Variants in WASL observed in about 807,000 individuals in gnomAD.
WASL encodes the protein actin nucleation-promoting factor WASL.
In WASL, 20 loss-of-function variants were observed where a neutral mutation model predicts 55.5. The ratio of observed to expected loss-of-function variants is 0.36; its 90% CI spans 0.25 to 0.52. WASL has a LOEUF of 0.52. Ranked by LOEUF, WASL falls within the 20% of genes least tolerant of loss-of-function variation. The pLI is 0.92. For missense variants in WASL, 504 were observed against 622.5 expected (o/e 0.81, Z 2.03); for synonymous variants, 249 against 217.6 (o/e 1.14, Z -1.27).
chr7:123,689,510 T>C (rs761928923), intron 9 of WASL, among the ~76,000 whole-genome samples: 1 of 152,190 alleles, frequency 6.6e-6, no homozygotes, highest in African/African-American at 2.4e-5. Flanking sequence ...GATTTCATGT[T>C]ATAAACAGAG....
intron 1 of WASL, among the ~76,000 whole-genome samples, chr7:123,719,213 AAAT>A (rs1803895336): frequency 6.6e-6 from 1 of 152,216 alleles, no homozygotes; most frequent in Non-Finnish European, 1.5e-5. Context: ...AATATTGGGA[AAAT>A]AATGTTTCTG....
In WASL at chr7:123,718,333, G is replaced by C. The variant is rs187352046; in HGVS notation, c.118-9110C>G. ...AAATGATGCATCAATCAGAACAATAGAATTTTGTATATGAAGAAAACAAAC... is the reference window on the plus strand; with the variant it reads ...AAATGATGCATCAATCAGAACAATACAATTTTGTATATGAAGAAAACAAAC... On this transcript the variant is annotated intron_variant, in intron 1 of 10. Coordinates refer to ENST00000223023, the MANE Select transcript of WASL (RefSeq NM_003941.4). Among the ~76,000 whole-genome samples the C allele has an allele frequency of 4.1e-4, 62 of 152,192 alleles. 2 individuals are homozygous for C. In the East Asian group the frequency reaches 0.012, roughly 28 times the overall value.
At chr7:123,732,779 A>G (rs1804161299) in intron 1 of WASL, among the ~76,000 whole-genome samples, 1 of 152,122 alleles carries the variant, frequency 6.6e-6, no homozygotes, top group Admixed American at 6.6e-5. Context: ...ACAAAGATGG[A>G]AAAAAAATCA....
intron 5 of WASL, among the ~76,000 whole-genome samples, chr7:123,700,285 TAG>T (rs781558995): frequency 6.5e-4 from 98 of 151,112 alleles, no homozygotes; most frequent in Non-Finnish European, 6.8e-4. Flanking sequence ...GATGGGAAAT[TAG>T]AGTTTCTTTT....
At chr7:123,727,352 G>GAC (rs1554406235) in intron 1 of WASL, among the ~76,000 whole-genome samples, 1 of 55,454 alleles carries the variant, frequency 1.8e-5, no homozygotes, top group Admixed American at 1.9e-4. Context: ...AAAAATATGT[G>GAC]TCACACACAC....
At chr7:123,721,372 G>T (rs766743140) in intron 1 of WASL, among the ~76,000 whole-genome samples, 1 of 152,142 alleles carries the variant, frequency 6.6e-6, no homozygotes, top group Non-Finnish European at 1.5e-5. Flanking sequence ...GTTACTTTGA[G>T]AGCCATTTTA....
At chr7:123,685,439 T>C (rs1022421351) in intron 10 of WASL, among the ~76,000 whole-genome samples, 3 of 152,010 alleles carry the variant, frequency 2.0e-5, no homozygotes, top group Non-Finnish European at 2.9e-5. Context: ...ACTTCTGCAG[T>C]AGCTATTTCT....
At chr7:123,719,337 C>T (rs568299733) in intron 1 of WASL, among the ~76,000 whole-genome samples, 2 of 152,282 alleles carry the variant, frequency 1.3e-5, no homozygotes, top group South Asian at 2.1e-4. Flanking sequence ...TCCTTTATGT[C>T]GAAATCCATG....
chr7:123,715,301 C>A (rs1803822536), intron 1 of WASL, among the ~76,000 whole-genome samples: 1 of 152,118 alleles, frequency 6.6e-6, no homozygotes, highest in Non-Finnish European at 1.5e-5. Context: ...GCCCTAAAAC[C>A]TGGAATCAAA....
chr7:123,696,267 A>G (rs1044746300), intron 6 of WASL, among the ~76,000 whole-genome samples: 1 of 152,092 alleles, frequency 6.6e-6, no homozygotes, highest in Non-Finnish European at 1.5e-5. Context: ...AACAATTTCT[A>G]AATGCTATTT....
intron 1 of WASL, among the ~76,000 whole-genome samples, chr7:123,717,419 G>A (rs1803864074): frequency 6.6e-6 from 1 of 152,186 alleles, no homozygotes; most frequent in Admixed American, 6.5e-5. Flanking sequence ...GAAGATGATC[G>A]TGGTACTTCC....
chr7:123,739,902 G>C lies in WASL; in HGVS notation c.117+8716C>G, dbSNP rs1440100969. On this transcript the variant is annotated intron_variant, in intron 1 of 10. Coordinates refer to ENST00000223023, the MANE Select transcript of WASL (RefSeq NM_003941.4). Reference sequence around the variant, plus strand: ...TGTGTGTGTGTGTGTGTGTGTGTGTGTGTGTGTGTGTGTATATATATATAT... The same window carrying C: ...TGTGTGTGTGTGTGTGTGTGTGTGTCTGTGTGTGTGTGTATATATATATAT... Among the ~76,000 whole-genome samples the C allele has an allele frequency of 4.5e-5, 4 of 88,692 alleles. No homozygotes were observed. In the East Asian group the frequency reaches 1.1e-3, roughly 25 times the overall value. The allele number at this position is 88,692 out of a possible 152,430, so 58.2% of individuals were successfully genotyped here.
In WASL at chr7:123,688,179, G is replaced by A. The variant is rs370852902; in HGVS notation, c.1456+863C>T. 7.2e-5 allele frequency among the ~76,000 whole-genome samples: 11 copies of A among 152,206 alleles called. No individual in the cohort carries two copies. In the East Asian group the frequency reaches 1.9e-3, roughly 27 times the overall value. ...AATATTTATATGGTGGTATGTATAT[G>A]TTTAATAATAACCTCAGAATAGGTA... On this transcript the variant is annotated intron_variant, in intron 10 of 10. Coordinates refer to ENST00000223023, the MANE Select transcript of WASL (RefSeq NM_003941.4).
intron 1 of WASL, among the ~76,000 whole-genome samples, chr7:123,726,866 A>AAATAATAAT (rs144632237): frequency 1.3e-5 from 2 of 151,230 alleles, no homozygotes; most frequent in South Asian, 2.1e-4. Flanking sequence ...ACTTCATCTC[A>AAATAATAAT]AATAATAATA....
Position 123,748,851 on chromosome 7 carries a change from G to T in WASL, c.-117C>A. On this transcript the variant is annotated 5_prime_UTR_variant, in exon 1 of 11. Coordinates refer to ENST00000223023, the MANE Select transcript of WASL (RefSeq NM_003941.4). ...AGTGGAGTCAGAGGCGCCACATCTC[G>T]CAGCTCCTCCGGAGCGGGGAGGAGG... 2.4e-6 allele frequency: 2 copies of T among 816,892 alleles called. No individual in the cohort carries two copies. Among genetic ancestry groups the T allele is most frequent in the Non-Finnish European group, 3.7e-6 (2 of 543,710 alleles). 50.6% of individuals were successfully genotyped at this position (816,892 alleles called of 1,614,324 possible). A position where few individuals can be genotyped will look rare whatever the true frequency, so the allele number is the denominator to read the frequency against.
intron 1 of WASL, 48 bp downstream of exon 1, chr7:123,748,570 G>C: frequency 4.4e-6 from 7 of 1,585,798 alleles, no homozygotes; most frequent in Non-Finnish European, 6.1e-6. Flanking sequence ...CCAAGCCCGG[G>C]CCCGTGAGGT....
chr7:123,735,650 T>TA (rs1377868258), intron 1 of WASL, among the ~76,000 whole-genome samples: 1 of 151,994 alleles, frequency 6.6e-6, no homozygotes, highest in Non-Finnish European at 1.5e-5. Flanking sequence ...AAATGAAAAA[T>TA]ACAGTGGACG....
Position 123,689,104 on chromosome 7 carries a change from G to C in WASL, c.1394C>G (p.Ser465Ter). The change falls in exon 10 of 11, where the codon TCA (serine) becomes TGA (stop). Residue 465 changes from serine to a stop codon, truncating the protein, a stop_gained. Coordinates refer to ENST00000223023, the MANE Select transcript of WASL (RefSeq NM_003941.4). LOFTEE classifies it high-confidence loss of function. ...TTCCATTAATGCACCCACAATTCCTGAAGTGGGTGCAGGTGTTGGTGGTGT... is the reference window on the plus strand; with the variant it reads ...TTCCATTAATGCACCCACAATTCCTCAAGTGGGTGCAGGTGTTGGTGGTGT... The part of the protein sequence containing the change: ...ESTPPTPAPT[S>*]GIVGALMEVM... 6.2e-7 allele frequency: 1 copy of C among 1,613,622 alleles called. No homozygotes were observed. The highest frequency in any genetic ancestry group is 8.5e-7 in the Non-Finnish European group (1 of 1,179,908).
At chr7:123,713,522 A>G (rs1317595783) in intron 1 of WASL, among the ~76,000 whole-genome samples, 1 of 152,184 alleles carries the variant, frequency 6.6e-6, no homozygotes, top group Non-Finnish European at 1.5e-5. Context: ...TTAACAAAAT[A>G]AAGTCTTTTC....
Sources: allele counts gnomAD v4.1 joint callset (sites outside exome capture counted in the v4.1 genomes callset), GRCh38; gene constraint gnomAD v4.1.1; transcripts MANE v1.5; gene names NCBI Gene and HGNC (gene_info 2026-07-23, HGNC 2026-07-21).